The following SERF2 variants were observed in gnomAD, a reference collection of about 807,000 sequenced individuals.
SERF2 encodes gastric cancer-related protein VRG107.
SERF2 carries 4 observed loss-of-function variants against 10.7 expected under a neutral mutation model. The ratio of observed to expected loss-of-function variants is 0.37; its 90% CI spans 0.18 to 0.86. SERF2 has a LOEUF of 0.86. Among genes scored for constraint, SERF2 ranks in the 40% least tolerant of loss-of-function variants. The probability of loss-of-function intolerance (pLI) is 0.43; values close to 1 mark genes in which losing one functional copy is unlikely to be tolerated. For synonymous variants in SERF2, 26 were observed against 26.0 expected (o/e 1.00, Z 0.01); for missense variants, 47 against 79.1 (o/e 0.59, Z 1.54).
chr15:43,793,886 C>T lies in SERF2; in HGVS notation c.*113C>T. ...CACAGGTCCCAGCACCGATGGCATT[C>T]CCTTTGCCCTGAGTCTGCAGCGGGT... is the stretch of plus-strand genomic sequence containing the variant. On this transcript the variant is annotated 3_prime_UTR_variant, in exon 3 of 3. Coordinates refer to ENST00000249786, the MANE Select transcript of SERF2 (RefSeq NM_001018108.4). The T allele has an allele frequency of 6.2e-7, 1 of 1,603,810 alleles. No homozygotes were observed. Among genetic ancestry groups the T allele is most frequent in the Non-Finnish European group, 8.5e-7 (1 of 1,174,792 alleles).
At chr15:43,781,533 AAAACAAAC>A (rs568199824) in intron 1 of SERF2, among the ~76,000 whole-genome samples, 2 of 152,010 alleles carry the variant, frequency 1.3e-5, no homozygotes, top group African/African-American at 2.4e-5. Context: ...AAAAACAAAC[AAAACAAAC>A]AAACAAACAA....
At position 43,793,809 on chromosome 15, in the gene SERF2, C is replaced by T. The variant is rs764238650; in HGVS notation, c.*36C>T. The T allele has an allele frequency of 4.6e-5, 75 of 1,614,084 alleles. No individual in the cohort carries two copies. The highest frequency in any genetic ancestry group is 6.4e-5 in the Non-Finnish European group (75 of 1,180,050). The stretch of plus-strand genomic sequence containing the variant: ...TCGTGTCCAACCCTCTTGCCCTTCG[C>T]CTGTGTGCCTGGAGCCAGTCCCACC... On this transcript the variant is annotated 3_prime_UTR_variant, in exon 3 of 3. Transcript: ENST00000249786.
chr15:43,792,816 T>TC (rs2087098493), intron 1 of SERF2, 159 bp from the exon 2 acceptor site: 5 of 676,422 alleles, frequency 7.4e-6, no homozygotes, highest in Admixed American at 2.9e-5. Flanking sequence ...GATTCGCCAC[T>TC]CCCCCCTACC....
upstream of SERF2, chr15:43,792,236 T>C (rs2087074891): frequency 1.1e-5 from 8 of 760,938 alleles, no homozygotes; most frequent in Admixed American, 2.0e-5. Context: ...CTTTTTCTTG[T>C]CCAATGGGAG....
rs925785168 is a variant in SERF2 at position 43,795,750 on chromosome 15, C to T, written c.*1977C>T. ...CAGTGAGGGCTTCTGCAAAACAGAACGCAGGTTTTGGAATGGTCTTAAAAG... is the reference window on the plus strand; with the variant it reads ...CAGTGAGGGCTTCTGCAAAACAGAATGCAGGTTTTGGAATGGTCTTAAAAG... On this transcript the variant is annotated 3_prime_UTR_variant, in exon 3 of 3. Coordinates refer to ENST00000249786, the MANE Select transcript of SERF2 (RefSeq NM_001018108.4). The T allele has an allele frequency of 4.3e-6, 7 of 1,612,936 alleles. No homozygotes were observed. The highest frequency in any genetic ancestry group is 1.7e-5 in the Admixed American group (1 of 59,866).
At chr15:43,785,150 C>T (rs543293885) in intron 1 of SERF2, among the ~76,000 whole-genome samples, 1 of 150,934 alleles carries the variant, frequency 6.6e-6, no homozygotes, top group East Asian at 2.0e-4. Context: ...CTCACTGAAA[C>T]CTCCATCTCC....
chr15:43,788,257 C>G (rs1249119575), upstream of SERF2, among the ~76,000 whole-genome samples: 1 of 152,038 alleles, frequency 6.6e-6, no homozygotes, highest in Non-Finnish European at 1.5e-5. Flanking sequence ...GGGATCCTCC[C>G]TGTCGGCTTC....
intron 1 of SERF2, among the ~76,000 whole-genome samples, chr15:43,784,797 A>G (rs911661712): frequency 2.0e-5 from 3 of 147,072 alleles, no homozygotes; most frequent in African/African-American, 7.6e-5. Flanking sequence ...CTGTCGCCCA[A>G]GTTGGAGTGT....
At chr15:43,779,836 C>T (rs1325053074) in intron 1 of SERF2, among the ~76,000 whole-genome samples, 2 of 152,112 alleles carry the variant, frequency 1.3e-5, no homozygotes, top group Non-Finnish European at 2.9e-5. Flanking sequence ...AGAAATTTAG[C>T]ATCTCCTTTA....
At chr15:43,781,025 T>C (rs1482933909) in intron 1 of SERF2, among the ~76,000 whole-genome samples, 1 of 152,156 alleles carries the variant, frequency 6.6e-6, no homozygotes, top group Admixed American at 6.6e-5. Flanking sequence ...CAAAACCAAA[T>C]TGGCAGCAAC....
chr15:43,793,537 G>T, intron 2 of SERF2, 173 bp from the exon 3 acceptor site: 1 of 1,478,612 alleles, frequency 6.8e-7, no homozygotes. Flanking sequence ...GAGACTGGTC[G>T]CCTTTTGAGC....
At chr15:43,778,966 A>T (rs568723192) in intron 1 of SERF2, among the ~76,000 whole-genome samples, 4 of 152,284 alleles carry the variant, frequency 2.6e-5, no homozygotes, top group African/African-American at 9.6e-5. Flanking sequence ...AGGAAATAGG[A>T]TCAAGAAAAA....
chr15:43,795,061 A>G lies in SERF2; in HGVS notation c.*1288A>G, dbSNP rs1224961284. The G allele has an allele frequency of 6.4e-7, 1 of 1,564,978 alleles. No individual in the cohort carries two copies. Among genetic ancestry groups the G allele is most frequent in the Admixed American group, 1.7e-5 (1 of 59,774 alleles). ...GCGGTGGCGGCGGCGCCTCAAGATA[A>G]GGGGCTGGGGTTTCTGGGTGGGGGG... On this transcript the variant is annotated 3_prime_UTR_variant, in exon 3 of 3. Transcript: ENST00000249786.
intron 2 of SERF2, chr15:43,785,597 TC>T (rs2087000049): frequency 1.3e-5 from 2 of 152,062 alleles, no homozygotes; most frequent in Admixed American, 1.3e-4. Context: ...CTATTGTTGT[TC>T]AATACCCTCT....
intron 1 of SERF2, among the ~76,000 whole-genome samples, chr15:43,783,553 C>T (rs1374574794): frequency 3.4e-5 from 5 of 147,976 alleles, no homozygotes; most frequent in Admixed American, 2.0e-4. Flanking sequence ...CCACTGGCCT[C>T]GGCCTCCCAA....
Position 43,794,139 on chromosome 15 carries a change from A to G in SERF2, c.*366A>G, listed in dbSNP as rs1371563215. ...AAAAAAGGGAGAACTCTTTAGATTC[A>G]GATTGTGGGTATGTAGACTTAATAA... On this transcript the variant is annotated 3_prime_UTR_variant, in exon 3 of 3. Transcript: ENST00000249786. 11 of 639,502 alleles carry G rather than the reference A, an allele frequency of 1.7e-5. No homozygotes were observed. In the East Asian group the frequency reaches 2.8e-4, roughly 16 times the overall value. The allele number at this position is 639,502 out of a possible 1,614,324, so 39.6% of individuals were successfully genotyped here. A position where few individuals can be genotyped will look rare whatever the true frequency, so the allele number is the denominator to read the frequency against.
At chr15:43,780,769 C>T (rs2086958256) in intron 1 of SERF2, among the ~76,000 whole-genome samples, 1 of 152,182 alleles carries the variant, frequency 6.6e-6, no homozygotes, top group Non-Finnish European at 1.5e-5. Context: ...TGTCTCCCAT[C>T]CACAAATGTA....
chr15:43,795,182 TGAA>T lies in SERF2; in HGVS notation c.*1411_*1413del. The T allele has an allele frequency of 1.9e-6, 3 of 1,614,118 alleles. No homozygotes were observed. The highest frequency in any genetic ancestry group is 2.2e-5 in the East Asian group (1 of 44,882). On this transcript the variant is annotated 3_prime_UTR_variant, in exon 3 of 3. Coordinates refer to ENST00000249786, the MANE Select transcript of SERF2 (RefSeq NM_001018108.4). ...CAGAAGGTGGCCCAGCTACCCTTGATGAAGGTCTTTTCCAGTTCTGCTCCCTCA... is the reference window on the plus strand; with the variant it reads ...CAGAAGGTGGCCCAGCTACCCTTGATGGTCTTTTCCAGTTCTGCTCCCTCA...
At chr15:43,779,802 T>G (rs2086950894) in intron 1 of SERF2, among the ~76,000 whole-genome samples, 1 of 152,150 alleles carries the variant, frequency 6.6e-6, no homozygotes. Flanking sequence ...CAAAATTACA[T>G]CTGTATTTTC....
Sources: gnomAD v4.1 joint callset for allele counts (sites outside exome capture counted in the v4.1 genomes callset) on GRCh38, gnomAD v4.1.1 for gene constraint, MANE v1.5 for transcripts, NCBI Gene and HGNC (gene_info 2026-07-23, HGNC 2026-07-21) for gene names.